The following FBXL13 variants were observed in gnomAD, a reference collection of about 807,000 sequenced individuals.
FBXL13 encodes the protein F-box and leucine rich repeat protein 13.
Under a neutral mutation model 83.6 loss-of-function variants are expected in FBXL13, and 67 were observed. The observed-to-expected ratio is 0.80, with a 90% CI of 0.66 to 0.98. FBXL13 has a LOEUF of 0.98. Ranked by LOEUF, FBXL13 falls within the 50% of genes least tolerant of loss-of-function variation. FBXL13 has a pLI of 0.00. For synonymous variants in FBXL13, 272 were observed against 299.5 expected (o/e 0.91, Z 0.95); for missense variants, 822 against 866.5 (o/e 0.95, Z 0.64).
intron 17 of FBXL13, among the ~76,000 whole-genome samples, chr7:102,851,330 CAG>C (rs763404976): frequency 5.9e-5 from 9 of 152,194 alleles, no homozygotes; most frequent in Non-Finnish European, 1.2e-4. Context: ...TTCAAATTGA[CAG>C]AGATAATTTA....
intron 2 of FBXL13, among the ~76,000 whole-genome samples, chr7:103,039,360 G>A: frequency 6.6e-6 from 1 of 152,098 alleles, no homozygotes; most frequent in East Asian, 1.9e-4. Flanking sequence ...TTGGTGTACT[G>A]GAAAGTGACA....
intron 16 of FBXL13, among the ~76,000 whole-genome samples, chr7:102,859,743 G>C (rs1033613267): frequency 9.9e-5 from 15 of 152,102 alleles, no homozygotes; most frequent in African/African-American, 3.4e-4. Flanking sequence ...AATCATCCTT[G>C]GTCTCCCTCA....
intron 17 of FBXL13, among the ~76,000 whole-genome samples, chr7:102,843,438 C>A (rs1222482522): frequency 6.6e-6 from 1 of 151,426 alleles, no homozygotes; most frequent in Non-Finnish European, 1.5e-5. Context: ...AACTCCATCT[C>A]AAAAACAAAA....
chr7:102,975,267 A>T (rs10225811), intron 6 of FBXL13, among the ~76,000 whole-genome samples: 1,882 of 152,342 alleles, frequency 0.012, 43 homozygotes, highest in African/African-American at 0.043. Flanking sequence ...GTTCATTTCC[A>T]GAAGACCCTA....
In FBXL13 at chr7:102,822,028, G is replaced by T. The variant is rs1490067971; in HGVS notation, c.2018+12C>A. The stretch of plus-strand genomic sequence containing the variant: ...GTTCTCAAAAGTTTGTCATAGTCAG[G>T]TACATACTTACTTGGAAATATTTGT... On this transcript the variant is annotated intron_variant, in intron 19 of 19. Coordinates refer to ENST00000313221, the Ensembl canonical transcript of FBXL13. 6.2e-7 allele frequency: 1 copy of T among 1,613,902 alleles called. No individual in the cohort carries two copies. Among genetic ancestry groups the T allele is most frequent in the Admixed American group, 1.7e-5 (1 of 60,024 alleles).
intron 17 of FBXL13, among the ~76,000 whole-genome samples, chr7:102,835,377 A>G (rs941064547): frequency 1.1e-4 from 16 of 152,200 alleles, no homozygotes; most frequent in African/African-American, 3.9e-4. Context: ...TATTGGAATC[A>G]GTGGCCTGGA....
At chr7:102,951,829 G>T (rs1368442010) in intron 8 of FBXL13, among the ~76,000 whole-genome samples, 1 of 149,640 alleles carries the variant, frequency 6.7e-6, no homozygotes, top group Non-Finnish European at 1.5e-5. Context: ...AAAAAGATTG[G>T]AGTGGAGATA....
chr7:102,957,408 G>A (rs989551385), intron 8 of FBXL13, among the ~76,000 whole-genome samples: 5 of 152,130 alleles, frequency 3.3e-5, no homozygotes, highest in Non-Finnish European at 5.9e-5. Context: ...AGACTTAAAT[G>A]TTAGACCTAA....
intron 11 of FBXL13, among the ~76,000 whole-genome samples, chr7:102,888,548 A>T (rs1247138080): frequency 6.6e-6 from 1 of 152,210 alleles, no homozygotes; most frequent in East Asian, 1.9e-4. Context: ...ATAAAAGAAA[A>T]GAAAAAGATT....
intron 1 of FBXL13, among the ~76,000 whole-genome samples, chr7:103,060,915 C>A (rs887128837): frequency 3.3e-5 from 5 of 152,156 alleles, no homozygotes; most frequent in Admixed American, 6.5e-5. Context: ...TTGCCATCCC[C>A]CTGTGGGACG....
chr7:103,006,446 C>G (rs1366365879), intron 6 of FBXL13, among the ~76,000 whole-genome samples: 1 of 151,960 alleles, frequency 6.6e-6, no homozygotes, highest in African/African-American at 2.4e-5. Flanking sequence ...TAAAACAAAC[C>G]AAAATGGAGA....
chr7:102,837,322 C>A (rs533035628), intron 17 of FBXL13, among the ~76,000 whole-genome samples: 1 of 152,292 alleles, frequency 6.6e-6, no homozygotes, highest in African/African-American at 2.4e-5. Flanking sequence ...TTAGCAAAGG[C>A]CCAGCCTCAG....
chr7:102,832,974 C>A, exon 18 of FBXL13: 1 of 1,613,780 alleles, frequency 6.2e-7, no homozygotes, highest in Non-Finnish European at 8.5e-7. Flanking sequence ...TTGCAGAATG[C>A]CTGCAAAAAA....
chr7:102,965,456 T>A (rs1825873080), intron 7 of FBXL13, among the ~76,000 whole-genome samples: 2 of 152,346 alleles, frequency 1.3e-5, no homozygotes, highest in Non-Finnish European at 2.9e-5. Flanking sequence ...TAGCTACTAT[T>A]ATTACTTCAA....
chr7:103,054,084 C>T (rs552674834), intron 2 of FBXL13, among the ~76,000 whole-genome samples: 4 of 152,092 alleles, frequency 2.6e-5, no homozygotes, highest in Non-Finnish European at 5.9e-5. Context: ...TACCAGACAA[C>T]AGCCCTGTAA....
chr7:102,813,268 T>C lies in FBXL13; in HGVS notation c.*74A>G, dbSNP rs1797557700. The C allele has an allele frequency of 2.2e-6, 3 of 1,364,070 alleles. No homozygotes were observed. The African/African-American group carries it at 4.4e-5, about 20-fold the overall frequency. 84.5% of individuals were successfully genotyped at this position (1,364,070 alleles called of 1,614,324 possible). On this transcript the variant is annotated 3_prime_UTR_variant, in exon 20 of 20. Transcript: ENST00000313221. ...TACATTGTTATTGAGATTCAGCTAG[T>C]AAACATACTTGCAACAAATGGAGAA...
At chr7:103,024,247 C>T (rs1356720389) in intron 6 of FBXL13, among the ~76,000 whole-genome samples, 2 of 149,728 alleles carry the variant, frequency 1.3e-5, no homozygotes, top group African/African-American at 4.9e-5. Context: ...CTGTCATCAG[C>T]CGGGTGTGGT....
chr7:102,839,548 G>A (rs564806503), intron 17 of FBXL13, among the ~76,000 whole-genome samples: 1 of 152,314 alleles, frequency 6.6e-6, no homozygotes, highest in African/African-American at 2.4e-5. Flanking sequence ...CACCTCCTGG[G>A]TTCAAGAGAT....
At position 102,883,892 on chromosome 7, in the gene FBXL13, A is replaced by G. The variant is rs969065139; in HGVS notation, c.1108-207T>C. Among the ~76,000 whole-genome samples, 26 of 152,182 alleles carry G rather than the reference A, an allele frequency of 1.7e-4. 1 individual carries two copies. The highest frequency in any genetic ancestry group is 1.6e-3 in the Admixed American group (24 of 15,272). ...AATCAGAATTAAATCACGTACTAAG[A>G]GTATGGGAAAATATGAGAAATGGAC... On this transcript the variant is annotated intron_variant, in intron 12 of 19. Coordinates refer to ENST00000313221, the Ensembl canonical transcript of FBXL13.
Sources: gnomAD v4.1 joint callset for allele counts (sites outside exome capture counted in the v4.1 genomes callset) on GRCh38, gnomAD v4.1.1 for gene constraint, MANE v1.5 for transcripts, NCBI Gene and HGNC (gene_info 2026-07-23, HGNC 2026-07-21) for gene names.